PARVA: variants seen among roughly 807,000 people sequenced by gnomAD.
PARVA encodes the protein alpha-parvin.
A neutral mutation model predicts 52.6 loss-of-function variants in PARVA; 25 were observed. The ratio of observed to expected loss-of-function variants is 0.48; its 90% CI spans 0.35 to 0.66. PARVA has a LOEUF of 0.66. PARVA is among the 30% of genes least tolerant of loss of function. PARVA has a pLI of 0.01. For synonymous variants in PARVA, 185 were observed against 179.1 expected (o/e 1.03, Z -0.26); for missense variants, 373 against 450.9 (o/e 0.83, Z 1.56).
At chr11:12,482,453 C>T (rs1466578455) in intron 4 of PARVA, among the ~76,000 whole-genome samples, 1 of 151,946 alleles carries the variant, frequency 6.6e-6, no homozygotes, top group Admixed American at 6.6e-5. Flanking sequence ...GGTGAAACCC[C>T]CATCTCTACT....
intron 4 of PARVA, among the ~76,000 whole-genome samples, chr11:12,492,690 G>A (rs1196728882): frequency 6.6e-6 from 1 of 152,094 alleles, no homozygotes. Context: ...AGATAATGAT[G>A]TTTTATTTGT....
chr11:12,388,427 C>A (rs145276040), intron 1 of PARVA, among the ~76,000 whole-genome samples: 1 of 152,142 alleles, frequency 6.6e-6, no homozygotes, highest in Non-Finnish European at 1.5e-5. Flanking sequence ...AATGAGAGGC[C>A]GTGGATGGAA....
At chr11:12,379,167 C>T (rs976651184) in intron 1 of PARVA, among the ~76,000 whole-genome samples, 2 of 152,190 alleles carry the variant, frequency 1.3e-5, no homozygotes, top group Non-Finnish European at 2.9e-5. Context: ...TCACTCTTGT[C>T]GCCATTTTGG....
At chr11:12,444,051 T>C (rs1564848472) in intron 1 of PARVA, among the ~76,000 whole-genome samples, 1 of 152,208 alleles carries the variant, frequency 6.6e-6, no homozygotes. Context: ...TCAGACACCA[T>C]GTGGTGGCTT....
intron 1 of PARVA, among the ~76,000 whole-genome samples, chr11:12,418,008 G>A (rs1232589829): frequency 2.0e-5 from 3 of 152,220 alleles, no homozygotes; most frequent in African/African-American, 7.2e-5. Flanking sequence ...CTTGGAGTGG[G>A]GTGGGGAAGA....
At chr11:12,489,911 C>A (rs1040644948) in intron 4 of PARVA, among the ~76,000 whole-genome samples, 3 of 152,238 alleles carry the variant, frequency 2.0e-5, no homozygotes, top group South Asian at 4.1e-4. Context: ...TTAGGAGAGG[C>A]GGCTTTAAAA....
intron 4 of PARVA, chr11:12,479,211 C>T (rs1213450512): frequency 6.6e-6 from 1 of 152,236 alleles, no homozygotes; most frequent in Admixed American, 6.5e-5. Flanking sequence ...CTCCTTTACC[C>T]ACCAGGGGAG....
In PARVA at chr11:12,452,559, A is replaced by C. The variant is rs80018955; in HGVS notation, c.137-21186A>C. 1.3e-3 allele frequency among the ~76,000 whole-genome samples: 201 copies of C among 152,254 alleles called. 4 individuals carry two copies. The East Asian group carries it at 0.035, about 26-fold the overall frequency. The stretch of plus-strand genomic sequence containing the variant: ...TTACCTCTGCCTTTGTCAGATCCCC[A>C]TGACCTTGAGTCTGTGAGTCAGCTA... On this transcript the variant is annotated intron_variant, in intron 1 of 12. Transcript: ENST00000334956.
Position 12,377,604 on chromosome 11 carries a change from C to A in PARVA, c.-44C>A. On this transcript the variant is annotated 5_prime_UTR_variant, in exon 1 of 13. Transcript: ENST00000334956. ...CGCCGCCCGCTGCGTCCGCCCAGCG[C>A]CAGCTCCGCGTCCCGACCGGCCCGC... 3.3e-6 allele frequency: 5 copies of A among 1,533,356 alleles called. No individual in the cohort carries two copies. The highest frequency in any genetic ancestry group is 3.5e-6 in the Non-Finnish European group (4 of 1,145,574). The allele number at this position is 1,533,356 out of a possible 1,614,324, so 95.0% of individuals were successfully genotyped here. A position where few individuals can be genotyped will look rare whatever the true frequency, so the allele number is the denominator to read the frequency against.
At chr11:12,501,304 G>C (rs1452779525) in intron 5 of PARVA, among the ~76,000 whole-genome samples, 1 of 151,756 alleles carries the variant, frequency 6.6e-6, no homozygotes, top group African/African-American at 2.4e-5. Flanking sequence ...ATACACATGT[G>C]TATATAGATA....
chr11:12,384,024 A>G (rs1336968874), intron 1 of PARVA, among the ~76,000 whole-genome samples: 1 of 152,012 alleles, frequency 6.6e-6, no homozygotes, highest in Non-Finnish European at 1.5e-5. Flanking sequence ...AGTCCCACCC[A>G]TATGTGCAAC....
chr11:12,516,877 G>A (rs1941574616), intron 10 of PARVA, among the ~76,000 whole-genome samples: 1 of 152,148 alleles, frequency 6.6e-6, no homozygotes, highest in Non-Finnish European at 1.5e-5. Flanking sequence ...AAGGCATATA[G>A]CTAGTAGGTG....
chr11:12,451,528 C>G (rs1260524523), intron 1 of PARVA, among the ~76,000 whole-genome samples: 1 of 151,628 alleles, frequency 6.6e-6, no homozygotes, highest in African/African-American at 2.4e-5. Flanking sequence ...ATGCAGGTAA[C>G]TCTAGACTTT....
At chr11:12,461,256 T>C (rs896958352) in intron 1 of PARVA, among the ~76,000 whole-genome samples, 2 of 152,234 alleles carry the variant, frequency 1.3e-5, no homozygotes, top group Non-Finnish European at 2.9e-5. Context: ...CCACCCTGGC[T>C]GTCCTTGGTT....
chr11:12,498,566 A>G (rs1378777309), intron 5 of PARVA, among the ~76,000 whole-genome samples: 4 of 131,606 alleles, frequency 3.0e-5, no homozygotes, highest in Admixed American at 9.1e-5. Context: ...GTCAGGTCAT[A>G]TACACTTTTT....
In PARVA at chr11:12,535,310, A is replaced by C. The variant is rs1242706986; in HGVS notation, c.*7385A>C. 6.6e-6 allele frequency among the ~76,000 whole-genome samples: 1 copy of C among 152,194 alleles called. No homozygotes were observed. Among genetic ancestry groups the C allele is most frequent in the Non-Finnish European group, 1.5e-5 (1 of 68,032 alleles). On this transcript the variant is annotated 3_prime_UTR_variant, in exon 13 of 13. Transcript: ENST00000334956. ...TCATGTGTCTTTGTGTTTATGGATT[A>C]AATGGCTTTCTGACCAGCATCCCTT...
At chr11:12,436,216 T>C (rs940508139) in intron 1 of PARVA, among the ~76,000 whole-genome samples, 3 of 152,220 alleles carry the variant, frequency 2.0e-5, no homozygotes, top group Admixed American at 6.5e-5. Flanking sequence ...CTAGACTTAA[T>C]TCGGTAGGAT....
intron 1 of PARVA, among the ~76,000 whole-genome samples, chr11:12,397,541 T>C (rs1435561348): frequency 6.6e-6 from 1 of 152,208 alleles, no homozygotes; most frequent in Non-Finnish European, 1.5e-5. Flanking sequence ...AAGGAAATGA[T>C]AGAGAAGAAA....
intron 12 of PARVA, among the ~76,000 whole-genome samples, chr11:12,518,767 G>GC (rs1941603563): frequency 6.6e-6 from 1 of 152,216 alleles, no homozygotes; most frequent in African/African-American, 2.4e-5. Context: ...GAGCAGAACT[G>GC]CTGCTGCAGG....
Sources: gnomAD v4.1 joint callset for allele counts (sites outside exome capture counted in the v4.1 genomes callset) on GRCh38, gnomAD v4.1.1 for gene constraint, MANE v1.5 for transcripts, NCBI Gene and HGNC (gene_info 2026-07-23, HGNC 2026-07-21) for gene names.